TIAM1: variants seen among roughly 807,000 people sequenced by gnomAD.
The protein encoded by TIAM1 is rho guanine nucleotide exchange factor TIAM1.
In TIAM1, 65 loss-of-function variants were observed where a neutral mutation model predicts 163.5. The ratio of observed to expected loss-of-function variants is 0.40; its 90% confidence interval spans 0.33 to 0.49. The LOEUF (loss-of-function observed/expected upper bound fraction) is 0.49. Ranked by LOEUF, TIAM1 falls within the 20% of genes least tolerant of loss-of-function variation. The probability of loss-of-function intolerance (pLI) is 0.77; values close to 1 mark genes in which losing one functional copy is unlikely to be tolerated. For missense variants in TIAM1, 1,789 were observed against 2,044.7 expected (o/e 0.87, Z 2.41); for synonymous variants, 833 against 810.1 (o/e 1.03, Z -0.48).
chr21:31,262,359 TAA>T (rs2146798610), intron 4 of TIAM1, among the ~76,000 whole-genome samples: 2 of 152,316 alleles, frequency 1.3e-5, no homozygotes, highest in South Asian at 4.1e-4. Context: ...AAGAAATTCA[TAA>T]AGTTCAGGCC....
intron 2 of TIAM1, among the ~76,000 whole-genome samples, chr21:31,414,867 A>G (rs11702758): frequency 0.086 from 13,165 of 152,282 alleles, 747 homozygotes; most frequent in Non-Finnish European, 0.13. Context: ...GCATGGGCGG[A>G]CACACACCGC....
At chr21:31,485,007 G>C (rs1299209495) in intron 1 of TIAM1, among the ~76,000 whole-genome samples, 2 of 152,196 alleles carry the variant, frequency 1.3e-5, no homozygotes, top group African/African-American at 4.8e-5. Flanking sequence ...GTCTTCACCA[G>C]ACACCAAATC....
Position 31,141,097 on chromosome 21 carries a change from T to C in TIAM1, c.3774+21A>G. ...AACTCGGCTTTCCTGACAGATGTCC[T>C]GAGAAGATGGGGACCCTCACCTCTT... On this transcript the variant is annotated intron_variant, in intron 22 of 27. Coordinates refer to ENST00000541036, the MANE Select transcript of TIAM1 (RefSeq NM_001353694.2). This position sits in a 1 kb window ranked among gnomAD's most constrained non-coding sequence, Gnocchi z 4.7. 1 of 1,583,092 alleles carries C rather than the reference T, an allele frequency of 6.3e-7. No individual in the cohort carries two copies. Among genetic ancestry groups the C allele is most frequent in the African/African-American group, 1.4e-5 (1 of 73,906 alleles).
intron 23 of TIAM1, among the ~76,000 whole-genome samples, chr21:31,134,300 AC>A (rs1417310502): frequency 6.6e-6 from 1 of 152,086 alleles, no homozygotes; most frequent in Non-Finnish European, 1.5e-5. Flanking sequence ...CCCATGAATG[AC>A]CCATTAAGCA....
intron 2 of TIAM1, among the ~76,000 whole-genome samples, chr21:31,428,980 T>C (rs2043899811): frequency 6.6e-6 from 1 of 151,128 alleles, no homozygotes; most frequent in Non-Finnish European, 1.5e-5. Context: ...GGTGGCAGAA[T>C]TGATACAACC....
intron 2 of TIAM1, among the ~76,000 whole-genome samples, chr21:31,316,635 T>A (rs914796397): frequency 1.1e-4 from 17 of 152,226 alleles, no homozygotes; most frequent in African/African-American, 3.6e-4. Context: ...TGGGCATGCC[T>A]ATGCCTCTTG....
At chr21:31,413,264 CTT>C (rs397866519) in intron 2 of TIAM1, among the ~76,000 whole-genome samples, 3,115 of 87,434 alleles carry the variant, frequency 0.036, 15 homozygotes, top group East Asian at 0.082. Context: ...CTTTTCTTTT[CTT>C]TTTTTTTTTT....
chr21:31,156,932 CTGTT>C (rs985974305), intron 16 of TIAM1, among the ~76,000 whole-genome samples: 4 of 152,228 alleles, frequency 2.6e-5, no homozygotes, highest in African/African-American at 9.6e-5. Context: ...CCACAGCTGT[CTGTT>C]TTTCACAGAA....
At chr21:31,421,037 G>A (rs1419756030) in intron 2 of TIAM1, among the ~76,000 whole-genome samples, 4 of 151,650 alleles carry the variant, frequency 2.6e-5, no homozygotes, top group Non-Finnish European at 4.4e-5. Flanking sequence ...CAGGGGAATC[G>A]CTTGAACCTG....
intron 2 of TIAM1, among the ~76,000 whole-genome samples, chr21:31,410,222 A>T (rs1468289384): frequency 3.3e-5 from 5 of 151,724 alleles, no homozygotes; most frequent in Non-Finnish European, 5.9e-5. Flanking sequence ...GTGAGACTGC[A>T]TTATGTGATT....
intron 1 of TIAM1, among the ~76,000 whole-genome samples, chr21:31,521,019 G>C (rs1400320824): frequency 6.6e-6 from 1 of 152,242 alleles, no homozygotes; most frequent in Non-Finnish European, 1.5e-5. Context: ...GCCTGCCACA[G>C]AGCAGGTGCT....
intron 2 of TIAM1, among the ~76,000 whole-genome samples, chr21:31,432,091 CTTTTTTTTTTT>C (rs11291911): frequency 5.1e-4 from 48 of 93,662 alleles, no homozygotes; most frequent in African/African-American, 2.1e-3. Flanking sequence ...TCTAAGATTC[CTTTTTTTTTTT>C]TTTTTTTTTT....
chr21:31,144,246 GCA>G (rs2082996525), intron 20 of TIAM1, among the ~76,000 whole-genome samples: 2 of 152,220 alleles, frequency 1.3e-5, no homozygotes, highest in African/African-American at 4.8e-5. Context: ...CTGGGGGCCA[GCA>G]TATGTGGAAC....
At chr21:31,132,090 G>A (rs971761663) in intron 23 of TIAM1, among the ~76,000 whole-genome samples, 2 of 152,188 alleles carry the variant, frequency 1.3e-5, no homozygotes, top group African/African-American at 4.8e-5. Context: ...GGCTGAAGGA[G>A]GCACAGCCTT....
intron 10 of TIAM1, among the ~76,000 whole-genome samples, chr21:31,210,748 G>GAGAAAGAAAGAA (rs1272829774): frequency 0.072 from 4,294 of 59,588 alleles, 326 homozygotes; most frequent in Non-Finnish European, 0.08. Context: ...GGAAGGAAGG[G>GAGAAAGAAAGAA]AGAAAGAAAG....
chr21:31,416,080 G>A (rs1452758579), intron 2 of TIAM1, among the ~76,000 whole-genome samples: 2 of 152,042 alleles, frequency 1.3e-5, no homozygotes, highest in African/African-American at 4.8e-5. Context: ...AGCTCTTTGG[G>A]GTTACCTTTA....
In TIAM1 at chr21:31,141,320, C is replaced by T; in HGVS notation, c.3655+5G>A. On this transcript the variant is annotated splice_donor_5th_base_variant and intron_variant, in intron 21 of 27. Transcript: ENST00000541036. This position sits in a 1 kb window ranked among gnomAD's most constrained non-coding sequence, Gnocchi z 4.7. ...GCCTGCCGGGGGTCCCAGGCCGAGGCCTACCGTCCAGGTGGTAGTGCTCCT... is the reference window on the plus strand; with the variant it reads ...GCCTGCCGGGGGTCCCAGGCCGAGGTCTACCGTCCAGGTGGTAGTGCTCCT... 6.2e-7 allele frequency: 1 copy of T among 1,613,870 alleles called. No individual in the cohort carries two copies. The highest frequency in any genetic ancestry group is 8.5e-7 in the Non-Finnish European group (1 of 1,179,842).
Position 31,154,346 on chromosome 21 carries a change from G to C in TIAM1, c.3072C>G (p.Ser1024=). The change falls in exon 17 of 28, where the codon TCC becomes TCG. Residue 1024 remains serine, a synonymous_variant. Transcript: ENST00000541036. ...TCATGGTCGCCAGCTGAGGCCCCGT[G>C]GAGTCCTGAGGAGATGGGCTCTGGT... ...PSDQSPSPQD[S]TGPQLATMRQ... 1 of 1,614,140 alleles carries C rather than the reference G, an allele frequency of 6.2e-7. No individual in the cohort carries two copies. Among genetic ancestry groups the C allele is most frequent in the Non-Finnish European group, 8.5e-7 (1 of 1,180,026 alleles).
chr21:31,475,329 C>T (rs76898730), intron 1 of TIAM1, among the ~76,000 whole-genome samples: 29 of 152,142 alleles, frequency 1.9e-4, no homozygotes, highest in African/African-American at 5.5e-4. Context: ...GTTAGGATTA[C>T]GGATTACTGA....
Sources: gnomAD v4.1 joint callset for allele counts (sites outside exome capture counted in the v4.1 genomes callset) on GRCh38, gnomAD v4.1.1 for gene constraint, Gnocchi (gnomAD v3.1) non-coding constraint, MANE v1.5 for transcripts, NCBI Gene and HGNC (gene_info 2026-07-23, HGNC 2026-07-21) for gene names.